The following PARD3 variants were observed in gnomAD, a reference collection of about 807,000 sequenced individuals.
PARD3 encodes partitioning defective 3 homolog.
Under a neutral mutation model 155.4 loss-of-function variants are expected in PARD3, and 75 were observed. That is an observed-to-expected ratio of 0.48 (90% confidence interval 0.40 to 0.58). The LOEUF (loss-of-function observed/expected upper bound fraction) is 0.58. PARD3 is among the 20% of genes least tolerant of loss of function. PARD3 has a pLI of 0.00. For synonymous variants in PARD3, 576 were observed against 610.5 expected (o/e 0.94, Z 0.83); for missense variants, 1,642 against 1,721.7 (o/e 0.95, Z 0.82).
In PARD3 at chr10:34,111,183, G is replaced by GAA; in HGVS notation, c.4047_4048insTT (p.Pro1350PhefsTer110). ...TATTTGCGTGCTCAGGAATAGAAGG[G>GAA]CCTCCCTTTCTCAGGAGTCTGAAGT... On this transcript the variant is annotated frameshift_variant, in exon 25 of 25. Transcript: ENST00000374788. LOFTEE classifies it high-confidence loss of function. 1 of 1,554,952 alleles carries GAA rather than the reference G, an allele frequency of 6.4e-7. No homozygotes were observed. The highest frequency in any genetic ancestry group is 1.2e-5 in the South Asian group (1 of 84,412).
Position 34,616,983 on chromosome 10 carries a change from C to T in PARD3, c.222+79335G>A, listed in dbSNP as rs140648185. Among the ~76,000 whole-genome samples, 8 of 150,260 alleles carry T rather than the reference C, an allele frequency of 5.3e-5. 1 individual carries two copies. Among genetic ancestry groups the T allele is most frequent in the East Asian group, 2.0e-4 (1 of 5,112 alleles). On this transcript the variant is annotated intron_variant, in intron 2 of 24. Transcript: ENST00000374788. ...TTAAAAAGTTGATCTTGGCCGGGGGCGGTGGCTCACACATGTAATCGTAGC... is the reference window on the plus strand; with the variant it reads ...TTAAAAAGTTGATCTTGGCCGGGGGTGGTGGCTCACACATGTAATCGTAGC...
chr10:34,384,039 G>T (rs1310076106), intron 8 of PARD3, 90 bp downstream of exon 8: 2 of 1,304,852 alleles, frequency 1.5e-6, no homozygotes, highest in South Asian at 1.3e-5. Flanking sequence ...TACAGACTGA[G>T]ATCACAGACA....
chr10:34,728,060 T>C (rs1164314482), intron 1 of PARD3, among the ~76,000 whole-genome samples: 1 of 152,312 alleles, frequency 6.6e-6, no homozygotes, highest in Non-Finnish European at 1.5e-5. Flanking sequence ...GTAGGTATAT[T>C]AAGTCTAATT....
At chr10:34,322,147 G>C (rs1014044713) in intron 19 of PARD3, among the ~76,000 whole-genome samples, 5 of 152,162 alleles carry the variant, frequency 3.3e-5, no homozygotes, top group East Asian at 1.9e-4. Flanking sequence ...GCCAGTCCAA[G>C]GTTATCAGAC....
chr10:34,455,714 C>T (rs1436733), intron 4 of PARD3, among the ~76,000 whole-genome samples: 8,410 of 151,996 alleles, frequency 0.055, 777 homozygotes, highest in African/African-American at 0.19. Flanking sequence ...AAACTAAATG[C>T]CTATTAAGAC....
chr10:34,357,218 G>A (rs1838978617), intron 14 of PARD3, among the ~76,000 whole-genome samples: 1 of 152,134 alleles, frequency 6.6e-6, no homozygotes, highest in South Asian at 2.1e-4. Flanking sequence ...CTGATCTTCA[G>A]TTCATTTCTG....
At chr10:34,750,892 T>C (rs950260210) in intron 1 of PARD3, among the ~76,000 whole-genome samples, 5 of 152,190 alleles carry the variant, frequency 3.3e-5, no homozygotes, top group Non-Finnish European at 5.9e-5. Context: ...TTTTGCCATG[T>C]TGGCCAGGCT....
chr10:34,203,903 G>T (rs557959727), intron 22 of PARD3, among the ~76,000 whole-genome samples: 1 of 152,214 alleles, frequency 6.6e-6, no homozygotes, highest in Admixed American at 6.5e-5. Context: ...ATGTGCAAGG[G>T]AAGTTTGGGA....
chr10:34,339,541 A>G (rs904838694), intron 16 of PARD3, among the ~76,000 whole-genome samples: 2 of 152,186 alleles, frequency 1.3e-5, no homozygotes, highest in Non-Finnish European at 2.9e-5. Context: ...CTTTAATTTT[A>G]TATCCTCTAA....
chr10:34,733,672 CGGGGTTTGAGATCTGT>C (rs1260010693), intron 1 of PARD3, among the ~76,000 whole-genome samples: 35 of 152,190 alleles, frequency 2.3e-4, no homozygotes, highest in South Asian at 1.0e-3. Context: ...TTAGTAGAGA[CGGGGTTTGAGATCTGT>C]GGGGTTTCCC....
intron 18 of PARD3, among the ~76,000 whole-genome samples, chr10:34,332,513 G>A (rs935272654): frequency 6.6e-6 from 1 of 152,158 alleles, no homozygotes; most frequent in Non-Finnish European, 1.5e-5. Flanking sequence ...AAGACAAATA[G>A]TTGTGACATA....
intron 1 of PARD3, among the ~76,000 whole-genome samples, chr10:34,797,560 C>T (rs1335221167): frequency 1.3e-5 from 2 of 152,168 alleles, no homozygotes; most frequent in Non-Finnish European, 2.9e-5. Context: ...GGATGTGTAT[C>T]CATAAACAAG....
chr10:34,376,865 C>T (rs1841304701), intron 10 of PARD3, among the ~76,000 whole-genome samples: 1 of 152,028 alleles, frequency 6.6e-6, no homozygotes, highest in East Asian at 1.9e-4. Context: ...TTAGGAAATG[C>T]AGTATCTGCT....
At chr10:34,463,532 A>G (rs928429529) in intron 4 of PARD3, among the ~76,000 whole-genome samples, 1 of 152,232 alleles carries the variant, frequency 6.6e-6, no homozygotes, top group Non-Finnish European at 1.5e-5. Context: ...TCAACATCCA[A>G]TATTAAATGA....
At chr10:34,201,811 TC>T in intron 22 of PARD3, among the ~76,000 whole-genome samples, 1 of 152,318 alleles carries the variant, frequency 6.6e-6, no homozygotes, top group Middle Eastern at 3.4e-3. Context: ...GGAAGAAACG[TC>T]GTTCTGTTTC....
chr10:34,386,642 G>A (rs1842373349), intron 7 of PARD3, among the ~76,000 whole-genome samples: 1 of 151,956 alleles, frequency 6.6e-6, no homozygotes, highest in South Asian at 2.1e-4. Flanking sequence ...GACCAATATG[G>A]AGAAACCCCC....
chr10:34,729,710 A>G (rs1433396922), intron 1 of PARD3, among the ~76,000 whole-genome samples: 2 of 152,184 alleles, frequency 1.3e-5, no homozygotes, highest in African/African-American at 4.8e-5. Flanking sequence ...TTTCCACTTA[A>G]TTAAAAATCC....
intron 7 of PARD3, among the ~76,000 whole-genome samples, chr10:34,393,103 T>G (rs1243917336): frequency 6.7e-6 from 1 of 149,792 alleles, no homozygotes. Context: ...ATCTTTGATC[T>G]GAGATATCAA....
chr10:34,378,720 C>T (rs1489888532), intron 9 of PARD3, among the ~76,000 whole-genome samples: 1 of 152,132 alleles, frequency 6.6e-6, no homozygotes, highest in African/African-American at 2.4e-5. Context: ...TCCTTCACCA[C>T]CCCCCACTCC....
Sources: allele counts gnomAD v4.1 joint callset (sites outside exome capture counted in the v4.1 genomes callset), GRCh38; gene constraint gnomAD v4.1.1; transcripts MANE v1.5; gene names NCBI Gene and HGNC (gene_info 2026-07-23, HGNC 2026-07-21).